Variants in STXBP5L observed in about 807,000 individuals in gnomAD.
STXBP5L encodes syntaxin binding protein 5L.
STXBP5L carries 65 observed loss-of-function variants against 144.5 expected under a neutral mutation model. The ratio of observed to expected loss-of-function variants is 0.45; its 90% confidence interval spans 0.37 to 0.55. STXBP5L has a LOEUF of 0.55. STXBP5L is among the 20% of genes least tolerant of loss of function. The probability of loss-of-function intolerance (pLI) is 0.00; values close to 1 mark genes in which losing one functional copy is unlikely to be tolerated. For synonymous variants in STXBP5L, 505 were observed against 469.6 expected (o/e 1.08, Z -0.97); for missense variants, 1,298 against 1,405.5 (o/e 0.92, Z 1.22).
intron 19 of STXBP5L, among the ~76,000 whole-genome samples, chr3:121,311,489 G>A (rs1305062272): frequency 6.6e-6 from 1 of 152,090 alleles, no homozygotes; most frequent in Non-Finnish European, 1.5e-5. Flanking sequence ...TAAAATGGTG[G>A]AATTGTTTAT....
chr3:121,245,229 A>C (rs1004643267), intron 14 of STXBP5L, among the ~76,000 whole-genome samples: 1 of 152,044 alleles, frequency 6.6e-6, no homozygotes, highest in African/African-American at 2.4e-5. Context: ...AAGTTGTTAT[A>C]GTTTAAAATA....
intron 9 of STXBP5L, among the ~76,000 whole-genome samples, chr3:121,176,373 A>G (rs922773825): frequency 4.0e-5 from 6 of 151,794 alleles, no homozygotes; most frequent in Admixed American, 3.9e-4. Flanking sequence ...AAAGAAAGAA[A>G]TAAGGATTGT....
chr3:121,253,846 G>C (rs1272361400), intron 15 of STXBP5L, among the ~76,000 whole-genome samples: 1 of 147,018 alleles, frequency 6.8e-6, no homozygotes, highest in African/African-American at 2.5e-5. Flanking sequence ...GTAGAGACGG[G>C]GTTTCACCAC....
intron 19 of STXBP5L, among the ~76,000 whole-genome samples, chr3:121,293,144 A>C (rs1338663066): frequency 6.6e-6 from 1 of 152,266 alleles, no homozygotes; most frequent in Admixed American, 6.5e-5. Flanking sequence ...ATAAAAAAGA[A>C]TATACTATTG....
chr3:121,401,367 C>T (rs2046869672), intron 22 of STXBP5L, among the ~76,000 whole-genome samples: 1 of 151,304 alleles, frequency 6.6e-6, no homozygotes, highest in East Asian at 2.0e-4. Flanking sequence ...CTAGAAATAC[C>T]ATTTGACCCA....
chr3:121,031,997 G>A (rs959797593), intron 3 of STXBP5L, among the ~76,000 whole-genome samples: 1 of 152,094 alleles, frequency 6.6e-6, no homozygotes, highest in African/African-American at 2.4e-5. Context: ...TACGTGCTAA[G>A]TATAAGATTT....
At chr3:121,387,159 T>C (rs555967211) in intron 22 of STXBP5L, among the ~76,000 whole-genome samples, 2 of 152,246 alleles carry the variant, frequency 1.3e-5, no homozygotes, top group Non-Finnish European at 2.9e-5. Context: ...TGACCAGTGA[T>C]GATGAGCATT....
intron 3 of STXBP5L, among the ~76,000 whole-genome samples, chr3:120,971,022 G>T (rs1482301665): frequency 6.6e-6 from 1 of 152,178 alleles, no homozygotes; most frequent in East Asian, 1.9e-4. Context: ...GAACTGTATT[G>T]TAGCCCTGCC....
intron 9 of STXBP5L, chr3:121,158,537 C>A (rs1026399629): frequency 1.3e-5 from 2 of 152,128 alleles, no homozygotes; most frequent in South Asian, 2.1e-4. Context: ...TTGCAACATT[C>A]TTCCAGGATG....
At chr3:120,950,426 G>A (rs1711137600) in intron 2 of STXBP5L, among the ~76,000 whole-genome samples, 1 of 151,980 alleles carries the variant, frequency 6.6e-6, no homozygotes, top group Admixed American at 6.6e-5. Flanking sequence ...CTTTAGGTTT[G>A]TATAAGTTTT....
chr3:121,069,489 G>T (rs4048825), intron 5 of STXBP5L, among the ~76,000 whole-genome samples: 2 of 151,636 alleles, frequency 1.3e-5, no homozygotes, highest in Non-Finnish European at 2.9e-5. Flanking sequence ...ATAAGTTTTC[G>T]TCTCTCGGTG....
Position 121,378,889 on chromosome 3 carries a change from A to T in STXBP5L, c.2347+3A>T. On this transcript the variant is annotated splice_donor_region_variant and intron_variant, in intron 21 of 26. Coordinates refer to ENST00000471454, the MANE Select transcript of STXBP5L (RefSeq NM_001308330.2). ...TTCTTTACCAGTTACAACAGAAGGT[A>T]TGTTAAACATATTAAATTTTTTTGT... is the stretch of plus-strand genomic sequence containing the variant. 1.9e-6 allele frequency: 3 copies of T among 1,603,580 alleles called. No individual in the cohort carries two copies. The highest frequency in any genetic ancestry group is 2.6e-6 in the Non-Finnish European group (3 of 1,174,632).
intron 3 of STXBP5L, among the ~76,000 whole-genome samples, chr3:121,004,624 G>T (rs1043486579): frequency 2.0e-5 from 3 of 152,036 alleles, no homozygotes; most frequent in Admixed American, 1.3e-4. Flanking sequence ...TCCCTGTCTT[G>T]TGCCAGTTTT....
intron 9 of STXBP5L, among the ~76,000 whole-genome samples, chr3:121,161,535 G>C (rs942644057): frequency 6.6e-6 from 1 of 151,150 alleles, no homozygotes; most frequent in South Asian, 2.1e-4. Context: ...TTCTGTTAAG[G>C]GTTCTACCAA....
chr3:121,396,604 C>A (rs760457528), intron 22 of STXBP5L, among the ~76,000 whole-genome samples: 1 of 152,212 alleles, frequency 6.6e-6, no homozygotes, highest in African/African-American at 2.4e-5. Context: ...ATTAACTCCT[C>A]CTGTAAAAGA....
rs748160165 is a variant in STXBP5L at position 121,318,520 on chromosome 3, G to A, written c.2156G>A (p.Arg719His). The A allele has an allele frequency of 1.3e-5, 20 of 1,560,122 alleles. No individual in the cohort carries two copies. The highest frequency in any genetic ancestry group is 6.1e-5 in the South Asian group (5 of 81,440). Residue 719 changes from arginine to histidine, a missense_variant, in exon 20 of 27, where the codon CGC becomes CAC. Physicochemically the swap from Arg to His is conservative, Grantham distance 29. Transcript: ENST00000471454. ...AGTCCAGTTCCCCTAGAACTTGAGC[G>A]CTGCAAGTCTCCTACCTCAGGTAAA... is the stretch of plus-strand genomic sequence containing the variant. ...NDSPVPLELERCKSPTSDHVN... is the reference protein window; with the variant it reads ...NDSPVPLELEHCKSPTSDHVN...
chr3:121,058,514 T>A (rs953102252), intron 5 of STXBP5L, among the ~76,000 whole-genome samples: 1 of 152,240 alleles, frequency 6.6e-6, no homozygotes, highest in South Asian at 2.1e-4. Context: ...CTGGGTCAAA[T>A]GGTATTTCTG....
At chr3:120,909,521 C>G (rs1708715661) in intron 1 of STXBP5L, 50 bp from the exon 2 acceptor site, 19 of 1,513,240 alleles carry the variant, frequency 1.3e-5, no homozygotes, top group Non-Finnish European at 1.5e-5. Flanking sequence ...GGTCTAATTG[C>G]ACGTGTTAAG....
At chr3:121,251,558 G>GAAACTTCAGGA (rs1290029144) in intron 15 of STXBP5L, among the ~76,000 whole-genome samples, 3 of 152,150 alleles carry the variant, frequency 2.0e-5, no homozygotes, top group African/African-American at 7.2e-5. Context: ...TTCTGAAGAT[G>GAAACTTCAGGA]AGTAACCAGG....
Sources: allele counts gnomAD v4.1 joint callset (sites outside exome capture counted in the v4.1 genomes callset), GRCh38; gene constraint gnomAD v4.1.1; transcripts MANE v1.5; gene names NCBI Gene and HGNC (gene_info 2026-07-23, HGNC 2026-07-21).